Variants in THBS4 observed in about 807,000 individuals in gnomAD.
The protein encoded by THBS4 is thrombospondin 4, also known as thrombospondin-4.
A neutral mutation model predicts 115.7 loss-of-function variants in THBS4; 90 were observed. The observed-to-expected ratio is 0.78, with a 90% CI of 0.66 to 0.93. The LOEUF (loss-of-function observed/expected upper bound fraction) is 0.93. THBS4 is among the 40% of genes least tolerant of loss of function. The pLI, the probability that THBS4 is intolerant of heterozygous loss-of-function variation, is 0.00. For missense variants in THBS4, 1,087 were observed against 1,232.7 expected (o/e 0.88, Z 1.77); for synonymous variants, 460 against 479.3 (o/e 0.96, Z 0.53).
intron 1 of THBS4, among the ~76,000 whole-genome samples, chr5:79,996,481 T>C (rs557411383): frequency 6.6e-6 from 1 of 152,154 alleles, no homozygotes; most frequent in East Asian, 1.9e-4. Context: ...ACCCTAGGAG[T>C]TGCCCCAGGA....
At chr5:80,003,762 CCTT>C (rs1304069258) in intron 2 of THBS4, among the ~76,000 whole-genome samples, 2 of 152,186 alleles carry the variant, frequency 1.3e-5, no homozygotes, top group Admixed American at 6.5e-5. Flanking sequence ...CTGAAGACCC[CCTT>C]CTTATGTTAC....
Position 80,000,301 on chromosome 5 carries a change from G to A in THBS4, n.177+1874G>A, listed in dbSNP as rs187654142. 3.1e-4 allele frequency among the ~76,000 whole-genome samples: 47 copies of A among 152,236 alleles called. 1 individual carries two copies. Among genetic ancestry groups the A allele is most frequent in the African/African-American group, 1.1e-3 (44 of 41,540 alleles). ...CACAAAACATATTCAACTATTACAA[G>A]AACAGAACTTTTATTGCTTCTTCAG... On this transcript the variant is annotated intron_variant and non_coding_transcript_variant, in intron 2 of 3. Transcript: ENST00000510218.
intron 1 of THBS4, among the ~76,000 whole-genome samples, chr5:80,039,331 A>T (rs546000523): frequency 6.6e-6 from 1 of 152,340 alleles, no homozygotes; most frequent in Non-Finnish European, 1.5e-5. Flanking sequence ...CATAGCTTTC[A>T]TAAATATTAC....
chr5:79,998,310 C>G (rs1209031323), intron 1 of THBS4: 1 of 152,466 alleles, frequency 6.6e-6, no homozygotes, highest in Non-Finnish European at 1.5e-5. Context: ...TCTCCCCTTT[C>G]TCTCTCTTCC....
At chr5:80,024,300 T>C (rs1832433935) in intron 2 of THBS4, among the ~76,000 whole-genome samples, 1 of 152,174 alleles carries the variant, frequency 6.6e-6, no homozygotes, top group Non-Finnish European at 1.5e-5. Context: ...ACCAGGACAC[T>C]ACCCCTTCTT....
chr5:80,020,750 G>A (rs977051314), intron 2 of THBS4, among the ~76,000 whole-genome samples: 7 of 152,058 alleles, frequency 4.6e-5, no homozygotes, highest in Non-Finnish European at 1.0e-4. Context: ...GGCAATCTCG[G>A]GCACGTTGCC....
At position 80,055,987 on chromosome 5, in the gene THBS4, G is replaced by A; in HGVS notation, c.495G>A (p.Gln165=). ...NLPRAFAGPS[Q]KPETIELRTF... ...CCAGGGCCTTTGCTGGCCCCTCCCA[G>A]AAACCTGAGACCATTGAATTGAGGA... Residue 165 remains glutamine (Q), a synonymous_variant, in exon 3 of 22, where the codon CAG becomes CAA. Coordinates refer to ENST00000350881, the MANE Select transcript of THBS4 (RefSeq NM_003248.6). 1 of 1,613,692 alleles carries A rather than the reference G, an allele frequency of 6.2e-7. No homozygotes were observed. The highest frequency in any genetic ancestry group is 8.5e-7 in the Non-Finnish European group (1 of 1,179,684).
At chr5:80,007,642 C>T (rs1234266597) in intron 2 of THBS4, among the ~76,000 whole-genome samples, 1 of 152,160 alleles carries the variant, frequency 6.6e-6, no homozygotes, top group Non-Finnish European at 1.5e-5. Flanking sequence ...TCTTGGGGTC[C>T]ATCTGCCTCG....
At chr5:80,028,420 A>G (rs1832521480) in intron 2 of THBS4, among the ~76,000 whole-genome samples, 1 of 151,606 alleles carries the variant, frequency 6.6e-6, no homozygotes, top group African/African-American at 2.4e-5. Context: ...AAAATAGTCG[A>G]TACTATACAC....
intron 10 of THBS4, 91 bp downstream of exon 10, chr5:80,068,216 A>C (rs1833907316): frequency 2.0e-6 from 3 of 1,479,458 alleles, no homozygotes; most frequent in Non-Finnish European, 9.2e-7. Context: ...GGGTAAAAGT[A>C]CTCCAAAATG....
exon 1 of THBS4, chr5:79,991,365 C>T (rs1831668246): frequency 3.6e-6 from 3 of 824,878 alleles, no homozygotes; most frequent in South Asian, 2.1e-5. Context: ...AGAGAAACAA[C>T]GACTGGAGGG....
chr5:80,036,095 A>C, intron 1 of THBS4: 1 of 987,024 alleles, frequency 1.0e-6, no homozygotes, highest in Non-Finnish European at 1.2e-6. Flanking sequence ...TTGCCCTGCC[A>C]CCTGCATTTT....
rs910522167 is a variant in THBS4 at position 80,079,963 on chromosome 5, G to A, written c.2570G>A (p.Gly857Glu). Residue 857 changes from glycine to glutamate, a missense_variant, in exon 20 of 22, where the codon GGG becomes GAG. By Grantham distance (98) the Gly-to-Glu change is moderately conservative. Around this residue, in one of 3 missense-constraint regions of THBS4, gnomAD observed 979 missense variants for 1,103.7 expected, o/e 0.89. Coordinates refer to ENST00000350881, the MANE Select transcript of THBS4 (RefSeq NM_003248.6). ...EHLRNSLWHT[G>E]DTSDQVRLLW... ...CTCCGGAACTCCCTGTGGCACACGG[G>A]GGACACCAGTGACCAGGTCAGGCTG... is the stretch of plus-strand genomic sequence containing the variant. 3 of 1,614,142 alleles carry A rather than the reference G, an allele frequency of 1.9e-6. No individual in the cohort carries two copies. The highest frequency in any genetic ancestry group is 2.7e-5 in the African/African-American group (2 of 75,034).
chr5:80,052,224 T>C (rs1833279166), intron 2 of THBS4: 1 of 152,228 alleles, frequency 6.6e-6, no homozygotes, highest in African/African-American at 2.4e-5. Flanking sequence ...TATATGGTTC[T>C]AATTTCCAGC....
intron 2 of THBS4, among the ~76,000 whole-genome samples, chr5:80,017,761 C>T (rs1179939046): frequency 1.3e-5 from 2 of 152,102 alleles, no homozygotes; most frequent in Non-Finnish European, 1.5e-5. Context: ...GTATATCCTT[C>T]GAAATTTTCT....
Position 80,072,381 on chromosome 5 carries a change from C to T in THBS4, c.1824C>T (p.Val608=). The T allele has an allele frequency of 6.2e-7, 1 of 1,614,040 alleles. No homozygotes were observed. Among genetic ancestry groups the T allele is most frequent in the Non-Finnish European group, 8.5e-7 (1 of 1,179,918 alleles). ...ATGCCTGTGACAGTTGTCCTGATGT[C>T]AGCAACCCTAACCAGGTTAGTAGGA... ...VGDACDSCPD[V]SNPNQSDVDN... is the part of the protein sequence containing the mutation. The change falls in exon 14 of 22, where the codon GTC becomes GTT. Residue 608 remains valine, a synonymous_variant. Transcript: ENST00000350881.
At chr5:79,997,030 GTTT>G (rs201267378) in intron 1 of THBS4, among the ~76,000 whole-genome samples, 4 of 138,756 alleles carry the variant, frequency 2.9e-5, no homozygotes, top group Non-Finnish European at 4.7e-5. Flanking sequence ...AATCAAAATA[GTTT>G]TTTTTTTTTT....
Position 80,035,645 on chromosome 5 carries a change from G to A in THBS4, c.88+20G>A. On this transcript the variant is annotated intron_variant, in intron 1 of 21. Transcript: ENST00000350881. This position sits in a 1 kb window ranked among gnomAD's most constrained non-coding sequence, Gnocchi z 4.6. The stretch of plus-strand genomic sequence containing the variant: ...CCCAGGGTAAGTGGGTTCGGGTCGG[G>A]CCTGGGAGCGCCGGGCACCGGGTGC... The A allele has an allele frequency of 7.6e-7, 1 of 1,314,460 alleles. No individual in the cohort carries two copies. Among genetic ancestry groups the A allele is most frequent in the Non-Finnish European group, 9.7e-7 (1 of 1,030,036 alleles). 81.4% of individuals were successfully genotyped at this position (1,314,460 alleles called of 1,614,324 possible).
At chr5:79,997,826 G>C (rs1831825555) in intron 1 of THBS4, among the ~76,000 whole-genome samples, 1 of 152,064 alleles carries the variant, frequency 6.6e-6, no homozygotes, top group African/African-American at 2.4e-5. Context: ...AATTAAACTA[G>C]AAGTCAATAA....
Sources: allele counts gnomAD v4.1 joint callset (sites outside exome capture counted in the v4.1 genomes callset), GRCh38; gene constraint gnomAD v4.1.1; regional missense constraint gnomAD v4.1.1; non-coding constraint Gnocchi (gnomAD v3.1); transcripts MANE v1.5; gene names NCBI Gene and HGNC (gene_info 2026-07-23, HGNC 2026-07-21).